Variants in SYN3 observed in about 807,000 individuals in gnomAD.
SYN3 encodes the protein synapsin III.
SYN3 carries 35 observed loss-of-function variants against 65.8 expected under a neutral mutation model. That is an observed-to-expected ratio of 0.53 (90% CI 0.41 to 0.70). The LOEUF is 0.70. SYN3 is among the 30% of genes least tolerant of loss of function. The pLI is 0.00. For missense variants in SYN3, 680 were observed against 749.0 expected (o/e 0.91, Z 1.08); for synonymous variants, 270 against 292.9 (o/e 0.92, Z 0.80).
chr22:32,639,365 A>G (rs2059864167), intron 6 of SYN3, among the ~76,000 whole-genome samples: 1 of 152,148 alleles, frequency 6.6e-6, no homozygotes, highest in Admixed American at 6.5e-5. Context: ...TCCTTTCCCC[A>G]TTGCTTATTT....
chr22:32,631,831 A>G (rs1215677074), intron 6 of SYN3, among the ~76,000 whole-genome samples: 1 of 152,198 alleles, frequency 6.6e-6, no homozygotes, highest in Non-Finnish European at 1.5e-5. Context: ...GCGGTGATGT[A>G]TTATTTGAAC....
chr22:33,020,162 A>G (rs2053536767), intron 1 of SYN3, among the ~76,000 whole-genome samples: 1 of 152,190 alleles, frequency 6.6e-6, no homozygotes. Flanking sequence ...ACACCTTCAG[A>G]TTTAATTCCT....
chr22:32,853,898 A>T (rs189944521), intron 6 of SYN3, among the ~76,000 whole-genome samples: 2 of 152,328 alleles, frequency 1.3e-5, no homozygotes. Context: ...AGTGGCGAAC[A>T]CAGGTGGCAG....
intron 10 of SYN3, 57 bp downstream of exon 10, chr22:32,533,736 C>T (rs1262834663): frequency 1.6e-6 from 2 of 1,248,206 alleles, no homozygotes; most frequent in Non-Finnish European, 2.3e-6. Flanking sequence ...GATTCCCTCC[C>T]CCTGGCACGC....
At chr22:32,587,726 C>A (rs2059069632) in intron 7 of SYN3, among the ~76,000 whole-genome samples, 1 of 152,194 alleles carries the variant, frequency 6.6e-6, no homozygotes, top group South Asian at 2.1e-4. Flanking sequence ...CTGGCTAAGC[C>A]AGCGTGTGCA....
intron 10 of SYN3, among the ~76,000 whole-genome samples, chr22:32,532,039 T>C (rs112929152): frequency 0.044 from 6,460 of 147,162 alleles, 20 homozygotes; most frequent in Non-Finnish European, 0.066. Flanking sequence ...CCCGGAGAGG[T>C]AGGGGCTCAC....
intron 6 of SYN3, among the ~76,000 whole-genome samples, chr22:32,780,992 C>G (rs58278693): frequency 4.1e-5 from 3 of 73,406 alleles, no homozygotes; most frequent in African/African-American, 1.0e-4. Flanking sequence ...CTTCCTTCCT[C>G]TCTCTCACCC....
intron 6 of SYN3, among the ~76,000 whole-genome samples, chr22:32,856,895 G>A (rs1361814873): frequency 1.3e-5 from 2 of 152,168 alleles, no homozygotes; most frequent in Non-Finnish European, 2.9e-5. Flanking sequence ...TCCCACATGA[G>A]TGAGAACATG....
chr22:32,687,891 T>C (rs2060612697), intron 6 of SYN3, among the ~76,000 whole-genome samples: 1 of 152,156 alleles, frequency 6.6e-6, no homozygotes, highest in South Asian at 2.1e-4. Context: ...TTTACTGTTA[T>C]CATCTCAGCC....
intron 1 of SYN3, among the ~76,000 whole-genome samples, chr22:33,025,587 T>C (rs1196955246): frequency 6.7e-6 from 1 of 150,138 alleles, no homozygotes; most frequent in Non-Finnish European, 1.5e-5. Flanking sequence ...TGAGCTGAGA[T>C]CGCACCACTG....
chr22:32,925,481 C>A lies in SYN3; in HGVS notation c.461+5909G>T, dbSNP rs2050444283. 2.0e-5 allele frequency among the ~76,000 whole-genome samples: 3 copies of A among 152,332 alleles called. No homozygotes were observed. The South Asian group carries it at 6.2e-4, about 32-fold the overall frequency. On this transcript the variant is annotated intron_variant, in intron 4 of 13. Coordinates refer to ENST00000358763, the MANE Select transcript of SYN3 (RefSeq NM_003490.4). ...GAATGCTGGAAGAACTGCCAATTAG[C>A]AAATACCTGGAACATTTCTGTAACT... is the stretch of plus-strand genomic sequence containing the variant.
intron 4 of SYN3, 165 bp downstream of exon 4, chr22:32,931,225 C>G: frequency 3.4e-6 from 2 of 579,904 alleles, no homozygotes; most frequent in Non-Finnish European, 6.3e-6. Flanking sequence ...ATGATATGTG[C>G]CGCTGGTCAT....
At chr22:32,619,850 T>C (rs1479072672) in intron 6 of SYN3, among the ~76,000 whole-genome samples, 1 of 152,250 alleles carries the variant, frequency 6.6e-6, no homozygotes, top group East Asian at 1.9e-4. Flanking sequence ...AATCATTTTG[T>C]GAACTAGCCT....
intron 6 of SYN3, among the ~76,000 whole-genome samples, chr22:32,683,703 T>C (rs2060553687): frequency 6.6e-6 from 1 of 152,150 alleles, no homozygotes; most frequent in South Asian, 2.1e-4. Context: ...GTGACATCTA[T>C]AAGATGTCTT....
At chr22:32,769,095 T>C (rs1208247686) in intron 6 of SYN3, among the ~76,000 whole-genome samples, 3 of 152,214 alleles carry the variant, frequency 2.0e-5, no homozygotes, top group African/African-American at 7.2e-5. Context: ...CTTTTCTTTT[T>C]CTAATGGATC....
At chr22:32,730,178 C>T (rs1283992315) in intron 6 of SYN3, among the ~76,000 whole-genome samples, 2 of 152,222 alleles carry the variant, frequency 1.3e-5, no homozygotes, top group Non-Finnish European at 2.9e-5. Flanking sequence ...AAAGAATAAC[C>T]ATTGTAATGG....
intron 2 of SYN3, among the ~76,000 whole-genome samples, chr22:32,984,946 C>T (rs2052479001): frequency 6.6e-6 from 1 of 152,106 alleles, no homozygotes; most frequent in Admixed American, 6.6e-5. Flanking sequence ...CCTCATTTGT[C>T]AAGTGGTGAC....
chr22:32,629,378 C>A (rs1433332299), intron 6 of SYN3, among the ~76,000 whole-genome samples: 1 of 152,212 alleles, frequency 6.6e-6, no homozygotes, highest in African/African-American at 2.4e-5. Flanking sequence ...TTAACCACTA[C>A]GTAATGCAAA....
intron 7 of SYN3, among the ~76,000 whole-genome samples, chr22:32,553,713 G>T (rs1296207584): frequency 6.6e-6 from 1 of 152,130 alleles, no homozygotes; most frequent in African/African-American, 2.4e-5. Context: ...CTGGCCTTTT[G>T]GTAGATAGGT....
Sources: gnomAD v4.1 joint callset for allele counts (sites outside exome capture counted in the v4.1 genomes callset) on GRCh38, gnomAD v4.1.1 for gene constraint, MANE v1.5 for transcripts, NCBI Gene and HGNC (gene_info 2026-07-23, HGNC 2026-07-21) for gene names.